The following POMT1 variants were observed in gnomAD, a reference collection of about 807,000 sequenced individuals.
POMT1 encodes protein O-mannosyltransferase 1.
POMT1 carries 85 observed loss-of-function variants against 101.6 expected under a neutral mutation model. The observed-to-expected ratio is 0.84, with a 90% CI of 0.70 to 1.00. The LOEUF (loss-of-function observed/expected upper bound fraction) is 1.00, where lower values mean the gene tolerates loss of function less well. POMT1 is among the 50% of genes least tolerant of loss of function. The pLI, the probability that POMT1 is intolerant of heterozygous loss-of-function variation, is 0.00. For synonymous variants in POMT1, 371 were observed against 383.0 expected (o/e 0.97, Z 0.37); for missense variants, 857 against 930.4 (o/e 0.92, Z 1.03).
rs777087288 is a variant in POMT1 at position 131,513,344 on chromosome 9, G to A, written c.1175+13G>A. On this transcript the variant is annotated intron_variant, in intron 12 of 19. Transcript: ENST00000402686. ...GCTCCCTGAACACGTGAGTGTGCCC[G>A]CCGTCTGCTCTGCTGCACCTGTGGG... The A allele has an allele frequency of 1.8e-5, 29 of 1,606,166 alleles. No homozygotes were observed. Among genetic ancestry groups the A allele is most frequent in the Admixed American group, 1.5e-4 (9 of 59,586 alleles).
rs549562824 is a variant in POMT1, at chr9:131,519,611, C to A, written c.1584+125C>A. On this transcript the variant is annotated intron_variant, in intron 16 of 19. Transcript: ENST00000402686. The surrounding 1 kb of genome is among the most constrained non-coding windows in gnomAD (Gnocchi z 4.3). Reference sequence around the variant, plus strand: ...TGACGCTGGAGCTACAGGCTCACAACAGAATGAGTGTCTCCTCTCTCCAGT... The same window carrying A: ...TGACGCTGGAGCTACAGGCTCACAAAAGAATGAGTGTCTCCTCTCTCCAGT... 3.2e-4 allele frequency: 295 copies of A among 911,302 alleles called. 1 individual carries two copies. The African/African-American group carries it at 4.2e-3, about 13-fold the overall frequency. The allele number at this position is 911,302 out of a possible 1,614,324, so 56.5% of individuals were successfully genotyped here.
rs372241541 is a variant in POMT1 at position 131,504,380 on chromosome 9, T to A, written c.122+40T>A. The A allele has an allele frequency of 1.9e-6, 3 of 1,614,040 alleles. No homozygotes were observed. The African/African-American group carries it at 4.0e-5, about 22-fold the overall frequency. On this transcript the variant is annotated intron_variant, in intron 2 of 19. Coordinates refer to ENST00000402686, the MANE Select transcript of POMT1 (RefSeq NM_001077365.2). ...TCCATTCCCAGGGTGAATCTAGAAT[T>A]GTACTTTGTGACAGGAGGCGCCCTT... is the stretch of plus-strand genomic sequence containing the variant.
At chr9:131,520,994 G>A (rs528591148) in intron 17 of POMT1, 31 of 348,030 alleles carry the variant, frequency 8.9e-5, no homozygotes, top group Middle Eastern at 1.0e-3. Flanking sequence ...GGTGCCCACC[G>A]CAATGCCCAG....
At position 131,519,587 on chromosome 9, in the gene POMT1, G is replaced by C; in HGVS notation, c.1584+101G>C. 8.7e-7 allele frequency: 1 copy of C among 1,149,156 alleles called. No individual in the cohort carries two copies. Among genetic ancestry groups the C allele is most frequent in the Non-Finnish European group, 1.3e-6 (1 of 794,996 alleles). The allele number at this position is 1,149,156 out of a possible 1,614,324, so 71.2% of individuals were successfully genotyped here. On this transcript the variant is annotated intron_variant, in intron 16 of 19. Transcript: ENST00000402686. The surrounding 1 kb of genome is among the most constrained non-coding windows in gnomAD (Gnocchi z 4.3). ...AGGACTCAAACCAGAGTCAGGCTTT[G>C]ACGCTGGAGCTACAGGCTCACAACA...
At chr9:131,512,812 A>C (rs772663700) in intron 11 of POMT1, among the ~76,000 whole-genome samples, 1 of 152,048 alleles carries the variant, frequency 6.6e-6, no homozygotes, top group African/African-American at 2.4e-5. Context: ...GGGTTTCACC[A>C]TGTTGGCCAG....
intron 18 of POMT1, 76 bp downstream of exon 18, chr9:131,521,548 T>G: frequency 6.5e-7 from 1 of 1,530,578 alleles, no homozygotes; most frequent in Non-Finnish European, 9.0e-7. Flanking sequence ...CAGGGTGTTC[T>G]TGAACTCCTG....
At chr9:131,518,673 G>A in intron 14 of POMT1, 136 bp downstream of exon 14, 1 of 1,404,436 alleles carries the variant, frequency 7.1e-7, no homozygotes, top group Non-Finnish European at 1.0e-6. Context: ...TACACTGAGG[G>A]AGGGCGGCTT....
chr9:131,510,304 G>C lies in POMT1; in HGVS notation c.744G>C (p.Leu248=), dbSNP rs1028569949. The part of the protein sequence containing the change: ...CHLLARAVAL[L]VIPVVLYLLF... The stretch of plus-strand genomic sequence containing the variant: ...TGCTCGCCCGAGCAGTGGCTTTGCT[G>C]GTCATCCCGGTCGTCCTGTACTTAC... Residue 248 remains leucine, a synonymous_variant, in exon 9 of 20, where the codon CTG becomes CTC. Coordinates refer to ENST00000402686, the MANE Select transcript of POMT1 (RefSeq NM_001077365.2). The C allele has an allele frequency of 1.2e-6, 2 of 1,614,174 alleles. No individual in the cohort carries two copies. Among genetic ancestry groups the C allele is most frequent in the South Asian group, 2.2e-5 (2 of 91,080 alleles).
In POMT1 at chr9:131,518,436, T is replaced by C. The variant is rs897775435; in HGVS notation, c.1273-9T>C. The C allele has an allele frequency of 1.2e-6, 2 of 1,609,384 alleles. No individual in the cohort carries two copies. The highest frequency in any genetic ancestry group is 2.7e-5 in the African/African-American group (2 of 74,836). On this transcript the variant is annotated splice_polypyrimidine_tract_variant and intron_variant, in intron 13 of 19. Coordinates refer to ENST00000402686, the MANE Select transcript of POMT1 (RefSeq NM_001077365.2). ...GGAATGAAATAATCCTTGAGATGTC[T>C]TTTTGCAGGAAATTGTGAACAGAGG...
chr9:131,513,165 T>C, intron 11 of POMT1, 74 bp from the exon 12 acceptor site: 2 of 1,279,812 alleles, frequency 1.6e-6, no homozygotes, highest in Non-Finnish European at 2.3e-6. Context: ...AATTCAGAGC[T>C]GTGCCCCTCC....
rs1049729805 is a variant in POMT1, at chr9:131,504,755, A to ATGTGTG, written c.122+447_122+452dup. Reference sequence around the variant, plus strand: ...TCTTTATTAACTGATTAATGTGTGTATGTGTGTGTGTGTGTGTGTGTGTGT... The same window carrying ATGTGTG: ...TCTTTATTAACTGATTAATGTGTGTATGTGTGTGTGTGTGTGTGTGTGTGTGTGTGT... On this transcript the variant is annotated intron_variant, in intron 2 of 19. Transcript: ENST00000402686. 6.7e-4 allele frequency among the ~76,000 whole-genome samples: 100 copies of ATGTGTG among 148,908 alleles called. 1 individual carries two copies. The highest frequency in any genetic ancestry group is 2.1e-3 in the African/African-American group (83 of 39,920).
At chr9:131,510,028 C>A in intron 8 of POMT1, 32 bp downstream of exon 8, 1 of 1,614,162 alleles carries the variant, frequency 6.2e-7, no homozygotes, top group African/African-American at 1.3e-5. Context: ...TGCATGAGGC[C>A]GGCCTGTATG....
chr9:131,512,187 C>T lies in POMT1; in HGVS notation c.1082+51C>T, dbSNP rs767221769. On this transcript the variant is annotated intron_variant, in intron 11 of 19. Coordinates refer to ENST00000402686, the MANE Select transcript of POMT1 (RefSeq NM_001077365.2). ...AGCAGAGCTCACCTCCTGGCCTGGC[C>T]AGGCGAGACCCTGGGATGCAGTCCT... is the stretch of plus-strand genomic sequence containing the variant. 32 of 1,599,208 alleles carry T rather than the reference C, an allele frequency of 2.0e-5. No homozygotes were observed. In the Admixed American group the frequency reaches 3.0e-4, roughly 15 times the overall value.
In POMT1 at chr9:131,522,868, G is replaced by A; in HGVS notation, c.2004-64G>A. On this transcript the variant is annotated intron_variant, in intron 19 of 19. Coordinates refer to ENST00000402686, the MANE Select transcript of POMT1 (RefSeq NM_001077365.2). This position sits in a 1 kb window ranked among gnomAD's most constrained non-coding sequence, Gnocchi z 5.5. ...ACCGTGTGGACAGCAGATGCCAAGAGGGTGCCGGGCAGGGAAGCCGCAGTG... is the reference window on the plus strand; with the variant it reads ...ACCGTGTGGACAGCAGATGCCAAGAAGGTGCCGGGCAGGGAAGCCGCAGTG... 1 of 1,489,286 alleles carries A rather than the reference G, an allele frequency of 6.7e-7. No homozygotes were observed. Among genetic ancestry groups the A allele is most frequent in the Non-Finnish European group, 9.1e-7 (1 of 1,103,266 alleles). The allele number at this position is 1,489,286 out of a possible 1,614,324, so 92.3% of individuals were successfully genotyped here.
chr9:131,515,233 GT>G (rs1948048981), intron 12 of POMT1, among the ~76,000 whole-genome samples, 192 bp from the exon 13 acceptor site: 1 of 152,206 alleles, frequency 6.6e-6, no homozygotes, highest in African/African-American at 2.4e-5. Context: ...CCTCCTGCCT[GT>G]TTAGTGTCCA....
intron 6 of POMT1, among the ~76,000 whole-genome samples, chr9:131,509,291 C>T (rs1946572372): frequency 6.6e-6 from 1 of 152,124 alleles, no homozygotes; most frequent in African/African-American, 2.4e-5. Context: ...GCTGAGATTA[C>T]AGGCACACAG....
rs982844612 is a variant in POMT1, at chr9:131,523,430, A to C, written c.*324A>C. ...CCAGGGCCAGCAGTGGAGCCTCAGC[A>C]GACCAGGGCCTGGTCCTTGCTAACT... On this transcript the variant is annotated 3_prime_UTR_variant, in exon 20 of 20. Transcript: ENST00000402686. The C allele has an allele frequency of 5.3e-6, 2 of 377,922 alleles. No individual in the cohort carries two copies. Among genetic ancestry groups the C allele is most frequent in the Non-Finnish European group, 5.1e-6 (1 of 196,878 alleles). The allele number at this position is 377,922 out of a possible 1,614,324, so 23.4% of individuals were successfully genotyped here.
At position 131,513,347 on chromosome 9, in the gene POMT1, G is replaced by C. The variant is rs371908251; in HGVS notation, c.1175+16G>C. The C allele has an allele frequency of 6.2e-7, 1 of 1,604,466 alleles. No homozygotes were observed. Among genetic ancestry groups the C allele is most frequent in the Admixed American group, 1.7e-5 (1 of 59,408 alleles). ...CCCTGAACACGTGAGTGTGCCCGCC[G>C]TCTGCTCTGCTGCACCTGTGGGTTT... On this transcript the variant is annotated intron_variant, in intron 12 of 19. Transcript: ENST00000402686.
At chr9:131,511,830 G>C in intron 10 of POMT1, 2 of 614,540 alleles carry the variant, frequency 3.3e-6, no homozygotes, top group Admixed American at 5.3e-5. Context: ...AAAGGCGTGT[G>C]GGCCCGATCG....
Sources: gnomAD v4.1 joint callset for allele counts (sites outside exome capture counted in the v4.1 genomes callset) on GRCh38, gnomAD v4.1.1 for gene constraint, Gnocchi (gnomAD v3.1) non-coding constraint, MANE v1.5 for transcripts, NCBI Gene and HGNC (gene_info 2026-07-23, HGNC 2026-07-21) for gene names.